The following DAB1 variants were observed in gnomAD, a reference collection of about 807,000 sequenced individuals.
DAB1 encodes DAB adaptor protein 1.
A neutral mutation model predicts 64.6 loss-of-function variants in DAB1; 15 were observed. The observed-to-expected ratio is 0.23, with a 90% confidence interval of 0.16 to 0.36. DAB1 has a LOEUF of 0.36. Ranked by LOEUF, DAB1 falls within the 10% of genes least tolerant of loss-of-function variation. DAB1 has a pLI of 1.00. For synonymous variants in DAB1, 235 were observed against 251.9 expected, an observed-to-expected ratio of 0.93 and a Z score of 0.64; for missense variants, 596 against 706.7, an observed-to-expected ratio of 0.84 and a Z score of 1.78.
At position 57,056,651 on chromosome 1, in the gene DAB1, G is replaced by C. The variant is rs186033851; in HGVS notation, c.723+6233C>G. 5.9e-5 allele frequency among the ~76,000 whole-genome samples: 9 copies of C among 152,128 alleles called. No homozygotes were observed. In the East Asian group the frequency reaches 9.7e-4, roughly 16 times the overall value. On this transcript the variant is annotated intron_variant, in intron 9 of 14. Coordinates refer to ENST00000371236, the MANE Select transcript of DAB1 (RefSeq NM_001365792.1). The stretch of plus-strand genomic sequence containing the variant: ...AGACTGAGGCAGGTGGATCACCTGA[G>C]GTTAGGAGTTTGAGACCAGACTGGC...
At chr1:57,950,650 T>C (rs1471439916) in intron 5 of DAB1, among the ~76,000 whole-genome samples, 1 of 152,216 alleles carries the variant, frequency 6.6e-6, no homozygotes, top group Non-Finnish European at 1.5e-5. Flanking sequence ...GTTTCATGCC[T>C]CCTTGTCTTT....
chr1:58,036,087 G>A (rs190840679), intron 5 of DAB1, among the ~76,000 whole-genome samples: 1 of 152,346 alleles, frequency 6.6e-6, no homozygotes, highest in Non-Finnish European at 1.5e-5. Flanking sequence ...CATGGTAAGT[G>A]AGATGGTCGG....
intron 1 of DAB1, among the ~76,000 whole-genome samples, chr1:57,845,200 G>A (rs754344087): frequency 4.6e-5 from 7 of 152,184 alleles, no homozygotes; most frequent in Non-Finnish European, 8.8e-5. Context: ...TGCGAGGGAG[G>A]AAGTGTCCCT....
chr1:57,241,077 T>C (rs1668461218), intron 2 of DAB1, among the ~76,000 whole-genome samples: 1 of 152,214 alleles, frequency 6.6e-6, no homozygotes, highest in African/African-American at 2.4e-5. Flanking sequence ...AGGGATGAGA[T>C]GCAGAAATCT....
chr1:57,916,935 C>T (rs1262298487), intron 5 of DAB1, among the ~76,000 whole-genome samples: 1 of 147,450 alleles, frequency 6.8e-6, no homozygotes, highest in Non-Finnish European at 1.5e-5. Flanking sequence ...AAGAGCGAAA[C>T]TCTGTCTCAA....
intron 4 of DAB1, among the ~76,000 whole-genome samples, chr1:58,196,018 A>G (rs947944792): frequency 6.6e-6 from 1 of 152,190 alleles, no homozygotes; most frequent in Non-Finnish European, 1.5e-5. Context: ...AAACTGTAGT[A>G]TGCTCTTCAC....
chr1:57,228,769 G>T (rs1667454329), intron 2 of DAB1, among the ~76,000 whole-genome samples: 4 of 152,048 alleles, frequency 2.6e-5, no homozygotes, highest in Admixed American at 2.6e-4. Flanking sequence ...GAGGCCAAAG[G>T]ATAGAATAGT....
At chr1:57,317,210 T>G (rs556832717) in intron 1 of DAB1, among the ~76,000 whole-genome samples, 48 of 152,142 alleles carry the variant, frequency 3.2e-4, no homozygotes, top group Non-Finnish European at 5.7e-4. Context: ...GGAACTGAGG[T>G]CCACCAACGG....
intron 5 of DAB1, among the ~76,000 whole-genome samples, chr1:58,108,389 T>C (rs1209998719): frequency 1.3e-5 from 2 of 152,200 alleles, no homozygotes; most frequent in Non-Finnish European, 2.9e-5. Context: ...ATGAGCCTAC[T>C]GGAAACCATA....
At chr1:57,787,717 A>G (rs1650401168) in intron 6 of DAB1, among the ~76,000 whole-genome samples, 1 of 152,144 alleles carries the variant, frequency 6.6e-6, no homozygotes, top group East Asian at 1.9e-4. Context: ...ACTATTAAGA[A>G]TATTAAATGG....
At position 57,338,138 on chromosome 1, in the gene DAB1, C is replaced by T. The variant is rs577945803; in HGVS notation, c.-136-46972G>A. ...TAGCTGGGACTATAGGCACACACCACCACACCTGGCTAATTTTTGCATTTT... is the reference window on the plus strand; with the variant it reads ...TAGCTGGGACTATAGGCACACACCATCACACCTGGCTAATTTTTGCATTTT... On this transcript the variant is annotated intron_variant, in intron 1 of 14. Transcript: ENST00000371236. 2.0e-5 allele frequency among the ~76,000 whole-genome samples: 3 copies of T among 152,188 alleles called. No homozygotes were observed. In the East Asian group the frequency reaches 5.8e-4, roughly 29 times the overall value.
intron 2 of DAB1, among the ~76,000 whole-genome samples, chr1:57,200,107 C>T (rs533534660): frequency 6.6e-6 from 1 of 152,258 alleles, no homozygotes; most frequent in East Asian, 1.9e-4. Context: ...GGAACTTTAC[C>T]TCTTTCTGTA....
intron 1 of DAB1, among the ~76,000 whole-genome samples, chr1:57,409,745 G>A (rs1172656119): frequency 1.3e-5 from 2 of 152,162 alleles, no homozygotes; most frequent in African/African-American, 4.8e-5. Context: ...GGAGGTAGAG[G>A]TTGCAGTGAG....
intron 7 of DAB1, among the ~76,000 whole-genome samples, chr1:57,635,255 C>A (rs572896070): frequency 1.3e-5 from 2 of 152,312 alleles, no homozygotes; most frequent in African/African-American, 4.8e-5. Flanking sequence ...AAGGGCAGTA[C>A]TCTAATCCAG....
intron 2 of DAB1, among the ~76,000 whole-genome samples, chr1:58,514,633 T>G (rs17117624): frequency 0.011 from 1,698 of 152,242 alleles, 28 homozygotes; most frequent in African/African-American, 0.038. Flanking sequence ...AGACATGTGA[T>G]AGGTAAAATA....
intron 1 of DAB1, among the ~76,000 whole-genome samples, chr1:57,415,022 G>A (rs61769759): frequency 0.12 from 18,565 of 151,994 alleles, 1,367 homozygotes; most frequent in East Asian, 0.19. Context: ...AAATGTATAC[G>A]GAAGAAAACA....
At chr1:57,955,257 C>T (rs1645365754) in intron 5 of DAB1, among the ~76,000 whole-genome samples, 1 of 152,136 alleles carries the variant, frequency 6.6e-6, no homozygotes, top group Non-Finnish European at 1.5e-5. Flanking sequence ...CCTGATTAAA[C>T]CTCTCTTTCT....
chr1:56,999,591 C>T (rs1645767090), intron 14 of DAB1, among the ~76,000 whole-genome samples: 1 of 152,112 alleles, frequency 6.6e-6, no homozygotes, highest in East Asian at 1.9e-4. Context: ...TGTGCTGTCT[C>T]TTGTGTGTAG....
At chr1:58,435,266 C>T (rs563921184) in intron 3 of DAB1, among the ~76,000 whole-genome samples, 7 of 152,280 alleles carry the variant, frequency 4.6e-5, no homozygotes, top group African/African-American at 9.6e-5. Context: ...TGTTCAGATT[C>T]TAGCCTTTCT....
Sources: allele counts gnomAD v4.1 joint callset (sites outside exome capture counted in the v4.1 genomes callset), GRCh38; gene constraint gnomAD v4.1.1; transcripts MANE v1.5; gene names NCBI Gene and HGNC (gene_info 2026-07-23, HGNC 2026-07-21).